KLF8: variants seen among roughly 807,000 people sequenced by gnomAD.
KLF8 encodes Krueppel-like factor 8.
A neutral mutation model predicts 18.2 loss-of-function variants in KLF8; 10 were observed. That is an observed-to-expected ratio of 0.55 (90% confidence interval 0.34 to 0.93). KLF8 has a LOEUF of 0.93. Among genes scored for constraint, KLF8 ranks in the 40% least tolerant of loss-of-function variants. The pLI is 0.02. For synonymous variants in KLF8, 109 were observed against 97.3 expected (o/e 1.12, Z -0.71); for missense variants, 264 against 277.9 (o/e 0.95, Z 0.36).
chrX:56,160,802 T>C, the KLF8 span, among the ~76,000 whole-genome samples: 1 of 111,382 alleles, frequency 9.0e-6, no homozygotes, highest in African/African-American at 3.3e-5. Flanking sequence ...TGAGATGGGT[T>C]TCCTGAATAC....
the KLF8 span, among the ~76,000 whole-genome samples, chrX:56,164,152 T>C: frequency 1.9e-5 from 2 of 107,600 alleles, no homozygotes; most frequent in African/African-American, 6.8e-5. Context: ...AACAACTTTA[T>C]TTTTTAGTGT....
At chrX:55,941,297 T>C in the KLF8 span, among the ~76,000 whole-genome samples, 1 of 112,207 alleles carries the variant, frequency 8.9e-6, no homozygotes, top group Non-Finnish European at 1.9e-5. Context: ...TAAATGGTGC[T>C]AGGAAAACTG....
chrX:56,087,517 C>T, the KLF8 span, among the ~76,000 whole-genome samples: 1 of 110,517 alleles, frequency 9.0e-6, no homozygotes, highest in African/African-American at 3.3e-5. Flanking sequence ...TTTTCTGAGG[C>T]CTCCCCAGAA....
chrX:56,023,901 G>T, the KLF8 span, among the ~76,000 whole-genome samples: 1 of 111,351 alleles, frequency 9.0e-6, no homozygotes, highest in Non-Finnish European at 1.9e-5. Context: ...ATTTATTTAG[G>T]TTGTTTCTAG....
chrX:56,049,671 G>T, the KLF8 span, among the ~76,000 whole-genome samples: 2 of 103,705 alleles, frequency 1.9e-5, no homozygotes, highest in Admixed American at 1.1e-4. Context: ...CGGTTTGCCA[G>T]TATTTTATTG....
chrX:56,209,544 G>T, the KLF8 span, among the ~76,000 whole-genome samples: 1 of 111,665 alleles, frequency 9.0e-6, no homozygotes, highest in Non-Finnish European at 1.9e-5. Flanking sequence ...CAGGATAATT[G>T]CTTGAACCCA....
At chrX:56,104,995 G>A in the KLF8 span, among the ~76,000 whole-genome samples, 1 of 111,961 alleles carries the variant, frequency 8.9e-6, no homozygotes. Flanking sequence ...TCAGGTGCAG[G>A]TTGTTCAGTT....
the KLF8 span, among the ~76,000 whole-genome samples, chrX:56,013,552 T>C: frequency 8.9e-6 from 1 of 111,778 alleles, no homozygotes; most frequent in African/African-American, 3.3e-5. Flanking sequence ...TCTCATCTCA[T>C]TGAATTGTGG....
chrX:55,992,292 G>A, the KLF8 span, among the ~76,000 whole-genome samples: 147 of 112,038 alleles, frequency 1.3e-3, 1 homozygote, highest in African/African-American at 4.2e-3. Flanking sequence ...GAAAAGATAG[G>A]GTTCACTTCA....
chrX:56,201,205 A>T, the KLF8 span, among the ~76,000 whole-genome samples: 1 of 112,221 alleles, frequency 8.9e-6, no homozygotes, highest in African/African-American at 3.2e-5. Flanking sequence ...CAAGAAAACA[A>T]CCTAAATGTC....
chrX:55,953,980 C>A, the KLF8 span, among the ~76,000 whole-genome samples: 1 of 108,389 alleles, frequency 9.2e-6, no homozygotes, highest in African/African-American at 3.3e-5. Flanking sequence ...AAATTAAAAA[C>A]TTTAGTGTTC....
chrX:56,060,996 A>G, the KLF8 span, among the ~76,000 whole-genome samples: 1 of 111,880 alleles, frequency 8.9e-6, no homozygotes, highest in African/African-American at 3.3e-5. Flanking sequence ...TGTTTCTAGT[A>G]TTCTCTGATG....
At chrX:56,209,855 T>C in the KLF8 span, among the ~76,000 whole-genome samples, 7 of 111,733 alleles carry the variant, frequency 6.3e-5, no homozygotes, top group Non-Finnish European at 1.3e-4. Flanking sequence ...TATAATCTAT[T>C]ATTTTAACCC....
chrX:56,238,078 G>C (rs2066499702), intron 1 of KLF8, among the ~76,000 whole-genome samples: 1 of 111,483 alleles, frequency 9.0e-6, no homozygotes, highest in Non-Finnish European at 1.9e-5. Context: ...TTTTTGGAGA[G>C]TGGACACAAC....
chrX:55,951,749 G>A, the KLF8 span, among the ~76,000 whole-genome samples: 3 of 110,463 alleles, frequency 2.7e-5, no homozygotes, highest in African/African-American at 9.9e-5. Context: ...TATATATATA[G>A]GAACAGTGGT....
chrX:56,174,372 G>T, the KLF8 span, among the ~76,000 whole-genome samples: 1 of 111,676 alleles, frequency 9.0e-6, no homozygotes. Flanking sequence ...TTTTGTCTTT[G>T]GTTCTGTTTG....
the KLF8 span, among the ~76,000 whole-genome samples, chrX:56,077,544 G>C: frequency 8.9e-6 from 1 of 111,933 alleles, no homozygotes; most frequent in African/African-American, 3.2e-5. Flanking sequence ...GGTTACTGTA[G>C]CCTTGTAGTA....
the KLF8 span, among the ~76,000 whole-genome samples, chrX:56,128,865 G>A: frequency 8.9e-6 from 1 of 112,438 alleles, no homozygotes; most frequent in East Asian, 2.8e-4. Flanking sequence ...ATGAGATTTG[G>A]ATTGAGTGTC....
chrX:56,067,523 A>T, the KLF8 span, among the ~76,000 whole-genome samples: 2 of 111,269 alleles, frequency 1.8e-5, no homozygotes. Flanking sequence ...CTAACTCTGC[A>T]GGTTGATCTT....
Sources: allele counts gnomAD v4.1 joint callset (sites outside exome capture counted in the v4.1 genomes callset), GRCh38; gene constraint gnomAD v4.1.1; transcripts MANE v1.5; gene names NCBI Gene and HGNC (gene_info 2026-07-23, HGNC 2026-07-21).